The following ANKRD50 variants were observed in gnomAD, a reference collection of about 807,000 sequenced individuals.
ANKRD50 encodes ankyrin repeat domain 50.
Under a neutral mutation model 112.0 loss-of-function variants are expected in ANKRD50, and 40 were observed. That is an observed-to-expected ratio of 0.36 (90% CI 0.28 to 0.46). The LOEUF (loss-of-function observed/expected upper bound fraction) is 0.46, where lower values mean the gene tolerates loss of function less well. Ranked by LOEUF, ANKRD50 falls within the 20% of genes least tolerant of loss-of-function variation. The probability of loss-of-function intolerance (pLI) is 1.00; values close to 1 mark genes in which losing one functional copy is unlikely to be tolerated. For missense variants in ANKRD50, 1,487 were observed against 1,701.7 expected (o/e 0.87, Z 2.22); for synonymous variants, 613 against 619.1 (o/e 0.99, Z 0.15).
chr4:124,668,983 C>A lies in ANKRD50; in HGVS notation c.*3+1G>T, dbSNP rs1316090351. ...TACTCTTTATGTTGACAAAATATTA[C>A]CTTTTATAATGGTGTTTCCTTTTTA... On this transcript the variant is annotated splice_donor_variant, in intron 4 of 4. Transcript: ENST00000504087. LOFTEE classifies it low-confidence loss of function (3UTR_SPLICE). The A allele has an allele frequency of 6.3e-7, 1 of 1,593,384 alleles. No homozygotes were observed. Among genetic ancestry groups the A allele is most frequent in the East Asian group, 2.2e-5 (1 of 44,740 alleles).
At position 124,671,411 on chromosome 4, in the gene ANKRD50, G is replaced by A. The variant is rs778760072; in HGVS notation, c.1866C>T (p.Gly622=). The A allele has an allele frequency of 6.8e-6, 11 of 1,613,584 alleles. No individual in the cohort carries two copies. Among genetic ancestry groups the A allele is most frequent in the Non-Finnish European group, 9.3e-6 (11 of 1,179,852 alleles). Residue 622 remains glycine (G), a synonymous_variant, in exon 4 of 5, where the codon GGC becomes GGT. Transcript: ENST00000504087. ...WTALRSAAWG[G]HTEVVSALLY... ...GTAGTGCAGAAACTACCTCAGTATG[G>A]CCACCCCAAGCAGCAGATCTTAATG...
chr4:124,690,467 T>C (rs1213290195), intron 2 of ANKRD50, among the ~76,000 whole-genome samples: 1 of 152,220 alleles, frequency 6.6e-6, no homozygotes, highest in East Asian at 1.9e-4. Context: ...AACAGATTTA[T>C]TTTCATGTAA....
In ANKRD50 at chr4:124,670,024, C is replaced by T. The variant is rs746537866; in HGVS notation, c.3253G>A (p.Ala1085Thr). Residue 1085 changes from alanine to threonine, a missense_variant, in exon 4 of 5, where the codon GCA (alanine) becomes ACA (threonine). Physicochemically the swap from Ala to Thr is moderately conservative, Grantham distance 58. Around this residue, in one of 2 missense-constraint regions of ANKRD50, gnomAD observed 441 missense variants for 432.2 expected, o/e 1.02. Coordinates refer to ENST00000504087, the MANE Select transcript of ANKRD50 (RefSeq NM_020337.3). ...ATCTGAGAATGTCCATTTTTGGCTG[C>T]AACACGCATAGCAGTGCGTCCAAAT... The part of the protein sequence containing the change: ...DQFGRTAMRV[A>T]AKNGHSQIIK... 5.0e-6 allele frequency: 8 copies of T among 1,610,452 alleles called. No homozygotes were observed. The Admixed American group carries it at 6.8e-5, about 14-fold the overall frequency.
intron 2 of ANKRD50, among the ~76,000 whole-genome samples, chr4:124,691,247 C>T (rs1239635158): frequency 6.6e-6 from 1 of 151,948 alleles, no homozygotes; most frequent in East Asian, 1.9e-4. Context: ...AATCCCAGCA[C>T]TTTGGGAGGC....
Position 124,669,357 on chromosome 4 carries a change from C to G in ANKRD50, c.3920G>C (p.Arg1307Thr), listed in dbSNP as rs929619391. 1.4e-5 allele frequency: 23 copies of G among 1,613,576 alleles called. No homozygotes were observed. Among genetic ancestry groups the G allele is most frequent in the Non-Finnish European group, 1.9e-5 (22 of 1,179,820 alleles). ...AGTCCCGGATTTGGCTATAGGTCCT[C>G]TTCTATCAAACTGAGTCATTTCATA... is the stretch of plus-strand genomic sequence containing the variant. ...LEYEMTQFDR[R>T]GPIAKSGTAA... Residue 1307 changes from arginine to threonine, a missense_variant, in exon 4 of 5, where the codon AGA becomes ACA. Physicochemically the swap from Arg to Thr is moderately conservative, Grantham distance 71 (BLOSUM62 -1). Around this residue, in one of 2 missense-constraint regions of ANKRD50, gnomAD observed 441 missense variants for 432.2 expected, o/e 1.02. Transcript: ENST00000504087.
intron 3 of ANKRD50, among the ~76,000 whole-genome samples, chr4:124,677,862 G>A (rs888374798): frequency 1.3e-5 from 2 of 151,910 alleles, no homozygotes; most frequent in Admixed American, 1.3e-4. Context: ...AGACCAAAAG[G>A]GGCTTCTACT....
rs1560822301 is a variant in ANKRD50 at position 124,678,810 on chromosome 4, C to T, written c.608G>A (p.Gly203Asp). ...AGATAAGCTGGTAGACGTTTGTTCA[C>T]CTTCAGTAATGTTACACCCTTCATC... is the stretch of plus-strand genomic sequence containing the variant. Reference protein sequence around the residue: ...SVDEGCNITEGEQTSTSLSGT... With the variant: ...SVDEGCNITEDEQTSTSLSGT... The change falls in exon 3 of 5, where the codon GGT becomes GAT. Residue 203 changes from glycine to aspartate, a missense_variant. Gly to Asp is a moderately conservative substitution (Grantham distance 94). This residue lies in a region of ANKRD50 where 1,046 missense variants were observed against 1,269.5 expected (regional missense o/e 0.82). Coordinates refer to ENST00000504087, the MANE Select transcript of ANKRD50 (RefSeq NM_020337.3). 6.2e-7 allele frequency: 1 copy of T among 1,613,816 alleles called. No homozygotes were observed. Among genetic ancestry groups the T allele is most frequent in the Admixed American group, 1.7e-5 (1 of 59,994 alleles).
chr4:124,686,787 T>C (rs1474446903), intron 2 of ANKRD50, among the ~76,000 whole-genome samples: 6 of 152,130 alleles, frequency 3.9e-5, no homozygotes, highest in Non-Finnish European at 7.4e-5. Flanking sequence ...AAAATCCACC[T>C]GGAAAATCAG....
At chr4:124,700,585 A>G (rs958609935) in intron 2 of ANKRD50, among the ~76,000 whole-genome samples, 1 of 151,454 alleles carries the variant, frequency 6.6e-6, no homozygotes, top group Non-Finnish European at 1.5e-5. Flanking sequence ...TGAGTTATCA[A>G]TGGTGACTCC....
chr4:124,688,014 G>T (rs1376390688), intron 2 of ANKRD50, among the ~76,000 whole-genome samples: 3 of 152,166 alleles, frequency 2.0e-5, no homozygotes. Flanking sequence ...AACTGAAAAT[G>T]TATGGCCACA....
chr4:124,682,092 G>C (rs887729301), intron 2 of ANKRD50, among the ~76,000 whole-genome samples: 8 of 152,092 alleles, frequency 5.3e-5, no homozygotes, highest in South Asian at 4.2e-4. Flanking sequence ...CGAGGCGGGT[G>C]GATCACGAGG....
intron 2 of ANKRD50, among the ~76,000 whole-genome samples, chr4:124,701,821 T>C (rs1725398588): frequency 6.6e-6 from 1 of 151,720 alleles, no homozygotes. Context: ...CAAAGAGATT[T>C]TTAAAAACAA....
Position 124,672,214 on chromosome 4 carries a change from T to G in ANKRD50, c.1063A>C (p.Asn355His). ...KQFAKVQPILNVILAACRPLT... is the reference protein window; with the variant it reads ...KQFAKVQPILHVILAACRPLT... The stretch of plus-strand genomic sequence containing the variant: ...GGTCGGCAGGCTGCAAGAATCACAT[T>G]CAAAATAGGCTGAACCTTTGCAAAT... Residue 355 changes from asparagine to histidine, a missense_variant, in exon 4 of 5, where the codon AAT (asparagine) becomes CAT (histidine). Around this residue, in one of 2 missense-constraint regions of ANKRD50, gnomAD observed 1,046 missense variants for 1,269.5 expected, o/e 0.82. Coordinates refer to ENST00000504087, the MANE Select transcript of ANKRD50 (RefSeq NM_020337.3). 6.2e-7 allele frequency: 1 copy of G among 1,613,840 alleles called. No individual in the cohort carries two copies. The highest frequency in any genetic ancestry group is 2.2e-5 in the East Asian group (1 of 44,852).
intron 2 of ANKRD50, among the ~76,000 whole-genome samples, chr4:124,708,950 T>C (rs1451085324): frequency 1.3e-5 from 2 of 151,710 alleles, no homozygotes; most frequent in Admixed American, 6.6e-5. Flanking sequence ...AATATTACTT[T>C]CAAAATGTAT....
intron 3 of ANKRD50, among the ~76,000 whole-genome samples, chr4:124,676,541 A>G (rs1165369736): frequency 6.6e-6 from 1 of 151,500 alleles, no homozygotes; most frequent in African/African-American, 2.4e-5. Context: ...ATGTATGATG[A>G]AAAAAAATCA....
At chr4:124,675,639 G>A (rs1374289926) in intron 3 of ANKRD50, among the ~76,000 whole-genome samples, 2 of 151,734 alleles carry the variant, frequency 1.3e-5, no homozygotes, top group African/African-American at 4.8e-5. Flanking sequence ...TGTAATATTT[G>A]TGTATGTTGT....
chr4:124,687,297 G>A (rs1725028674), intron 2 of ANKRD50, among the ~76,000 whole-genome samples: 1 of 151,852 alleles, frequency 6.6e-6, no homozygotes, highest in South Asian at 2.1e-4. Flanking sequence ...TCCAACAAAT[G>A]ATGCTGAACA....
At chr4:124,691,890 C>G (rs902749206) in intron 2 of ANKRD50, among the ~76,000 whole-genome samples, 2 of 152,128 alleles carry the variant, frequency 1.3e-5, no homozygotes, top group Non-Finnish European at 2.9e-5. Context: ...CATTCCTATT[C>G]CAAAAATCTG....
chr4:124,709,866 C>G, intron 2 of ANKRD50, 134 bp downstream of exon 2: 1 of 1,214,938 alleles, frequency 8.2e-7, no homozygotes, highest in Non-Finnish European at 1.1e-6. Context: ...AACAGGTATA[C>G]TCATAACTTC....
Sources: allele counts gnomAD v4.1 joint callset (sites outside exome capture counted in the v4.1 genomes callset), GRCh38; gene constraint gnomAD v4.1.1; regional missense constraint gnomAD v4.1.1; transcripts MANE v1.5; gene names NCBI Gene and HGNC (gene_info 2026-07-23, HGNC 2026-07-21).